Variants in GLIS1 observed in about 807,000 individuals in gnomAD.
The protein encoded by GLIS1 is zinc finger protein GLIS1.
In GLIS1, 24 loss-of-function variants were observed where a neutral mutation model predicts 63.8. The ratio of observed to expected loss-of-function variants is 0.38; its 90% CI spans 0.27 to 0.53. The LOEUF is 0.53. Ranked by LOEUF, GLIS1 falls within the 20% of genes least tolerant of loss-of-function variation. GLIS1 has a pLI of 0.85. For synonymous variants in GLIS1, 450 were observed against 482.5 expected, an observed-to-expected ratio of 0.93 and a Z score of 0.88; for missense variants, 1,036 against 1,074.1, an observed-to-expected ratio of 0.96 and a Z score of 0.50.
chr1:53,603,073 T>C (rs749803146), intron 2 of GLIS1, among the ~76,000 whole-genome samples: 26 of 152,030 alleles, frequency 1.7e-4, no homozygotes, highest in Non-Finnish European at 2.8e-4. Context: ...CAGGAAGAAA[T>C]AGTCTTTACC....
intron 2 of GLIS1, among the ~76,000 whole-genome samples, chr1:53,729,597 T>G (rs1296919808): frequency 6.6e-6 from 1 of 151,226 alleles, no homozygotes; most frequent in Non-Finnish European, 1.5e-5. Flanking sequence ...GCAACTTATT[T>G]TATGACCTTT....
At chr1:53,522,046 C>A (rs892091197) in intron 6 of GLIS1, among the ~76,000 whole-genome samples, 2 of 152,258 alleles carry the variant, frequency 1.3e-5, no homozygotes. Flanking sequence ...AGAAGGCAAG[C>A]CCAGCCTCGA....
chr1:53,507,615 G>A (rs1240423656), intron 10 of GLIS1, among the ~76,000 whole-genome samples: 1 of 152,236 alleles, frequency 6.6e-6, no homozygotes, highest in Non-Finnish European at 1.5e-5. Flanking sequence ...TCTGAGGCCT[G>A]CAGCCCCTGA....
intron 7 of GLIS1, among the ~76,000 whole-genome samples, chr1:53,517,971 G>A (rs1159151561): frequency 6.6e-6 from 1 of 152,238 alleles, no homozygotes; most frequent in Non-Finnish European, 1.5e-5. Context: ...GGGACGCCAC[G>A]GGGCCTGATG....
At chr1:53,688,479 C>T (rs1646366152) in intron 2 of GLIS1, among the ~76,000 whole-genome samples, 1 of 152,212 alleles carries the variant, frequency 6.6e-6, no homozygotes, top group African/African-American at 2.4e-5. Context: ...CTCTGCTCTC[C>T]TGCCCATTCC....
chr1:53,731,763 A>G (rs944434042), intron 2 of GLIS1, among the ~76,000 whole-genome samples: 6 of 151,972 alleles, frequency 3.9e-5, no homozygotes, highest in Non-Finnish European at 7.4e-5. Flanking sequence ...AGGTTAGTTG[A>G]CCTCCCTCTT....
At chr1:53,640,224 C>A (rs1327788365) in intron 2 of GLIS1, among the ~76,000 whole-genome samples, 1 of 152,152 alleles carries the variant, frequency 6.6e-6, no homozygotes, top group African/African-American at 2.4e-5. Context: ...CAGGGTCAGG[C>A]AGGGCAAACA....
At chr1:53,602,474 G>T (rs1036992585) in intron 2 of GLIS1, among the ~76,000 whole-genome samples, 1 of 152,100 alleles carries the variant, frequency 6.6e-6, no homozygotes, top group Non-Finnish European at 1.5e-5. Flanking sequence ...CGGGGGTGCC[G>T]TTCAGAGCTT....
chr1:53,571,429 T>A (rs1644982935), intron 4 of GLIS1, among the ~76,000 whole-genome samples: 1 of 152,176 alleles, frequency 6.6e-6, no homozygotes, highest in Non-Finnish European at 1.5e-5. Context: ...ACAAGAATAT[T>A]CACAGCAGCG....
chr1:53,654,034 GA>G (rs1645937352), intron 2 of GLIS1, among the ~76,000 whole-genome samples: 1 of 152,208 alleles, frequency 6.6e-6, no homozygotes, highest in Non-Finnish European at 1.5e-5. Flanking sequence ...GAGGCTGTGA[GA>G]GGGGCAGTGC....
At chr1:53,722,191 AC>A (rs1252955640) in intron 2 of GLIS1, among the ~76,000 whole-genome samples, 2 of 152,204 alleles carry the variant, frequency 1.3e-5, no homozygotes, top group African/African-American at 4.8e-5. Flanking sequence ...AAATCAGTGT[AC>A]CCTTCCCAAA....
At chr1:53,535,133 G>C (rs576870933) in intron 4 of GLIS1, among the ~76,000 whole-genome samples, 1 of 152,120 alleles carries the variant, frequency 6.6e-6, no homozygotes, top group African/African-American at 2.4e-5. Context: ...GTAGAAATGG[G>C]AGTTTTGGGG....
intron 2 of GLIS1, among the ~76,000 whole-genome samples, chr1:53,629,101 G>GAC (rs373359983): frequency 6.6e-5 from 10 of 151,716 alleles, no homozygotes; most frequent in African/African-American, 1.7e-4. Flanking sequence ...CACACACAGG[G>GAC]ACACACACAC....
chr1:53,613,187 C>T (rs928438559), intron 2 of GLIS1, among the ~76,000 whole-genome samples: 10 of 152,178 alleles, frequency 6.6e-5, no homozygotes, highest in Admixed American at 5.2e-4. Context: ...AGCTAATTTG[C>T]TATAGCAGAT....
At chr1:53,549,248 T>C (rs1164520366) in intron 4 of GLIS1, among the ~76,000 whole-genome samples, 1 of 152,276 alleles carries the variant, frequency 6.6e-6, no homozygotes, top group African/African-American at 2.4e-5. Context: ...TGAACATTCA[T>C]GTACAAGCTT....
chr1:53,628,143 GC>G (rs1344131118), intron 2 of GLIS1, among the ~76,000 whole-genome samples: 3 of 24,534 alleles, frequency 1.2e-4, no homozygotes, highest in Non-Finnish European at 6.7e-4. Context: ...CTGTGCCCTT[GC>G]TGTGCCTTGC....
intron 7 of GLIS1, among the ~76,000 whole-genome samples, chr1:53,518,001 C>T (rs543953439): frequency 1.3e-4 from 20 of 152,376 alleles, no homozygotes; most frequent in Middle Eastern, 3.4e-3. Context: ...CAAAACGCAC[C>T]ACTTCAGGCT....
intron 6 of GLIS1, among the ~76,000 whole-genome samples, chr1:53,523,829 C>T (rs549689851): frequency 1.4e-3 from 220 of 152,314 alleles, no homozygotes; most frequent in Non-Finnish European, 2.5e-3. Context: ...TGTCCCTGCT[C>T]TGCTTAAGAC....
intron 4 of GLIS1, among the ~76,000 whole-genome samples, chr1:53,558,627 G>C (rs1451910260): frequency 6.6e-6 from 1 of 152,186 alleles, no homozygotes; most frequent in African/African-American, 2.4e-5. Context: ...ACTGGGGCAA[G>C]CAGGGTGTCC....
Sources: allele counts gnomAD v4.1 joint callset (sites outside exome capture counted in the v4.1 genomes callset), GRCh38; gene constraint gnomAD v4.1.1; transcripts MANE v1.5; gene names NCBI Gene and HGNC (gene_info 2026-07-23, HGNC 2026-07-21).